Variants in RLF observed in about 807,000 individuals in gnomAD.
RLF encodes zinc finger protein Rlf.
A neutral mutation model predicts 162.9 loss-of-function variants in RLF; 7 were observed. The ratio of observed to expected loss-of-function variants is 0.04; its 90% CI spans 0.02 to 0.08. RLF has a LOEUF of 0.08. RLF is among the 10% of genes least tolerant of loss of function. The pLI is 1.00. For missense variants in RLF, 1,664 were observed against 2,244.7 expected, an observed-to-expected ratio of 0.74 and a Z score of 5.23; for synonymous variants, 782 against 791.5, an observed-to-expected ratio of 0.99 and a Z score of 0.20.
chr1:40,214,878 A>G (rs1042447528), intron 5 of RLF, among the ~76,000 whole-genome samples: 1 of 132,332 alleles, frequency 7.6e-6, no homozygotes, highest in African/African-American at 2.9e-5. Flanking sequence ...AACTATGATC[A>G]TGCCACTGCA....
chr1:40,178,632 G>GTTTTTTTTTTTTTTTT (rs57391266), intron 1 of RLF, among the ~76,000 whole-genome samples: 43 of 88,348 alleles, frequency 4.9e-4, no homozygotes, highest in East Asian at 1.4e-3. Flanking sequence ...TTTTTTTTTT[G>GTTTTTTTTTTTTTTTT]TTTTTTTTTT....
rs372569774 is a variant in RLF at position 40,236,387 on chromosome 1, G to A, written c.1685G>A (p.Arg562Gln). 4.3e-6 allele frequency: 7 copies of A among 1,613,876 alleles called. No homozygotes were observed. The highest frequency in any genetic ancestry group is 1.7e-5 in the Admixed American group (1 of 59,984). ...QYKFFCLLCKRECIEARILHH... is the reference protein window; with the variant it reads ...QYKFFCLLCKQECIEARILHH... ...AAGTTTTTCTGTTTGTTATGTAAGC[G>A]GGAATGTATAGAGGCTAGAATTCTT... Residue 562 changes from arginine (R) to glutamine (Q), a missense_variant, in exon 8 of 8, where the codon CGG (arginine) becomes CAG (glutamine). This residue lies in a region of RLF where 31 missense variants were observed against 80.5 expected (regional missense o/e 0.39). Transcript: ENST00000372771. The surrounding 1 kb of genome is among the most constrained non-coding windows in gnomAD (Gnocchi z 7.7).
In RLF at chr1:40,183,463, A is replaced by G. The variant is rs114151989; in HGVS notation, c.238-5592A>G. ...GCCATTGCTTGAAAACATTCCCCAG[A>G]AGCATTCACTTTAGAATGGAAGTTA... On this transcript the variant is annotated intron_variant, in intron 1 of 7. Transcript: ENST00000372771. Among the ~76,000 whole-genome samples the G allele has an allele frequency of 5.2e-3, 787 of 152,282 alleles. 5 individuals carry two copies. Among genetic ancestry groups the G allele is most frequent in the Non-Finnish European group, 8.7e-3 (594 of 68,028 alleles).
At chr1:40,166,167 C>T (rs908341176) in intron 1 of RLF, among the ~76,000 whole-genome samples, 1 of 152,150 alleles carries the variant, frequency 6.6e-6, no homozygotes, top group South Asian at 2.1e-4. Flanking sequence ...CTTGTTTATT[C>T]TTTTTTGTAT....
intron 6 of RLF, among the ~76,000 whole-genome samples, chr1:40,225,744 G>A (rs1438596528): frequency 2.0e-5 from 3 of 151,776 alleles, no homozygotes; most frequent in East Asian, 1.9e-4. Context: ...ACCTGGTGGC[G>A]GGCGTGCCTG....
chr1:40,188,944 G>T (rs1642521319), intron 1 of RLF, 111 bp from the exon 2 acceptor site: 5 of 602,340 alleles, frequency 8.3e-6, no homozygotes, highest in Non-Finnish European at 1.4e-5. Flanking sequence ...CAAATAAAAG[G>T]TATATGCATC....
chr1:40,204,149 G>A (rs1642758045), intron 5 of RLF, among the ~76,000 whole-genome samples: 1 of 151,180 alleles, frequency 6.6e-6, no homozygotes, highest in Non-Finnish European at 1.5e-5. Context: ...CCGAGTAGCT[G>A]GGATTACAGT....
chr1:40,238,444 A>G lies in RLF; in HGVS notation c.3742A>G (p.Lys1248Glu), dbSNP rs1279708900. 7 of 1,613,978 alleles carry G rather than the reference A, an allele frequency of 4.3e-6. No individual in the cohort carries two copies. Residue 1248 changes from lysine to glutamate, a missense_variant, in exon 8 of 8, where the codon AAG becomes GAG. Lys to Glu is a moderately conservative substitution (Grantham distance 56, BLOSUM62 1). This residue lies in a region of RLF where 102 missense variants were observed against 109.5 expected (regional missense o/e 0.93). Transcript: ENST00000372771. The surrounding 1 kb of genome is among the most constrained non-coding windows in gnomAD (Gnocchi z 5.2). The part of the protein sequence containing the change: ...NSEKPHCHPK[K>E]DECSSETDLE... ...TGAGAAACCACACTGTCATCCTAAA[A>G]AGGATGAATGTAGTTCTGAAACAGA... is the stretch of plus-strand genomic sequence containing the variant.
At chr1:40,202,829 G>A (rs1482282170) in intron 5 of RLF, among the ~76,000 whole-genome samples, 1 of 152,082 alleles carries the variant, frequency 6.6e-6, no homozygotes, top group East Asian at 1.9e-4. Context: ...AGAATATACA[G>A]AGGCATGTTT....
intron 5 of RLF, among the ~76,000 whole-genome samples, chr1:40,209,877 T>TAAA (rs76437844): frequency 1.5e-5 from 2 of 130,616 alleles, no homozygotes; most frequent in African/African-American, 2.8e-5. Context: ...GACTCCGTCT[T>TAAA]AAAAAAAAAA....
chr1:40,240,389 C>G lies in RLF; in HGVS notation c.5687C>G (p.Pro1896Arg), dbSNP rs1168469669. The stretch of plus-strand genomic sequence containing the variant: ...CTTGAAAGATCTAAGTTTTCCACAC[C>G]AATTTTAGACTTATTTCCAACAAAA... ...VVLERSKFST[P>R]ILDLFPTKKT... The change falls in exon 8 of 8, where the codon CCA (proline) becomes CGA (arginine). Residue 1896 changes from proline (P) to arginine (R), a missense_variant. Transcript: ENST00000372771. 2 of 1,613,836 alleles carry G rather than the reference C, an allele frequency of 1.2e-6. No individual in the cohort carries two copies. Among genetic ancestry groups the G allele is most frequent in the South Asian group, 2.2e-5 (2 of 91,032 alleles).
intron 1 of RLF, among the ~76,000 whole-genome samples, chr1:40,181,366 G>A (rs938283827): frequency 6.6e-6 from 1 of 152,180 alleles, no homozygotes; most frequent in Non-Finnish European, 1.5e-5. Context: ...GGAGGTGGAG[G>A]TTGCATTGAG....
chr1:40,219,534 T>C (rs988401543), intron 5 of RLF, among the ~76,000 whole-genome samples: 3 of 152,228 alleles, frequency 2.0e-5, no homozygotes, highest in Admixed American at 6.5e-5. Context: ...ATTCCTGTTA[T>C]TAGCTCAGAT....
chr1:40,238,867 C>T lies in RLF; in HGVS notation c.4165C>T (p.Leu1389=), dbSNP rs1251875455. 1.9e-6 allele frequency: 3 copies of T among 1,614,066 alleles called. No individual in the cohort carries two copies. The highest frequency in any genetic ancestry group is 1.7e-6 in the Non-Finnish European group (2 of 1,180,020). ...LAKHCSDSHN[L]DHIEEPKVLS... is the part of the protein sequence containing the mutation. Reference sequence around the variant, plus strand: ...TAAGCACTGTAGTGATTCTCATAACCTAGACCATATTGAAGAGCCTAAAGT... The same window carrying T: ...TAAGCACTGTAGTGATTCTCATAACTTAGACCATATTGAAGAGCCTAAAGT... The change falls in exon 8 of 8, where the codon CTA becomes TTA. Residue 1389 remains leucine (L), a synonymous_variant. Transcript: ENST00000372771. This position sits in a 1 kb window ranked among gnomAD's most constrained non-coding sequence, Gnocchi z 5.2.
At position 40,240,535 on chromosome 1, in the gene RLF, C is replaced by T. The variant is rs1033103447; in HGVS notation, c.*88C>T. On this transcript the variant is annotated 3_prime_UTR_variant, in exon 8 of 8. Transcript: ENST00000372771. ...TCGAACAAAGGCTGAGAAGCAGCCA[C>T]ACCGTTGTTTAGGGTAGAATAGGCT... The T allele has an allele frequency of 2.0e-5, 19 of 934,616 alleles. No individual in the cohort carries two copies. Among genetic ancestry groups the T allele is most frequent in the African/African-American group, 5.0e-5 (3 of 60,434 alleles). The allele number at this position is 934,616 out of a possible 1,614,324, so 57.9% of individuals were successfully genotyped here.
rs6670779 is a variant in RLF, at chr1:40,191,777, G to A, written c.474+924G>A. Among the ~76,000 whole-genome samples, 1,439 of 152,222 alleles carry A rather than the reference G, an allele frequency of 9.5e-3. 22 individuals carry two copies. The highest frequency in any genetic ancestry group is 0.032 in the African/African-American group (1,334 of 41,504). On this transcript the variant is annotated intron_variant, in intron 3 of 7. Coordinates refer to ENST00000372771, the MANE Select transcript of RLF (RefSeq NM_012421.4). ...CATTCATTTATTGATCACTAATTAT[G>A]TACCAATCACTGCTTTACACTACAT...
At chr1:40,225,207 C>T (rs1245539102) in intron 6 of RLF, among the ~76,000 whole-genome samples, 1 of 152,074 alleles carries the variant, frequency 6.6e-6, no homozygotes, top group Non-Finnish European at 1.5e-5. Flanking sequence ...TATTTTTAAA[C>T]ACATACGCTA....
chr1:40,220,944 T>C (rs1368922926), intron 5 of RLF, among the ~76,000 whole-genome samples: 1 of 140,816 alleles, frequency 7.1e-6, no homozygotes, highest in African/African-American at 2.7e-5. Flanking sequence ...CTGGGCAGCA[T>C]AGTGAGACCT....
intron 1 of RLF, among the ~76,000 whole-genome samples, chr1:40,185,246 T>C (rs1375475831): frequency 6.6e-6 from 1 of 151,596 alleles, no homozygotes; most frequent in African/African-American, 2.4e-5. Context: ...TTCTCCAGCC[T>C]CAGCCTCCCA....
Sources: gnomAD v4.1 joint callset for allele counts (sites outside exome capture counted in the v4.1 genomes callset) on GRCh38, gnomAD v4.1.1 for gene constraint, gnomAD v4.1.1 regional missense constraint, Gnocchi (gnomAD v3.1) non-coding constraint, MANE v1.5 for transcripts, NCBI Gene and HGNC (gene_info 2026-07-23, HGNC 2026-07-21) for gene names.